Variants in SETD3 observed in about 807,000 individuals in gnomAD.
The protein encoded by SETD3 is SET domain containing 3, actin N3(tau)-histidine methyltransferase.
In SETD3, 19 loss-of-function variants were observed where a neutral mutation model predicts 63.0. The observed-to-expected ratio is 0.30, with a 90% confidence interval of 0.21 to 0.44. SETD3 has a LOEUF of 0.44. SETD3 is among the 20% of genes least tolerant of loss of function. The pLI is 1.00. For synonymous variants in SETD3, 286 were observed against 264.1 expected (o/e 1.08, Z -0.80); for missense variants, 587 against 728.5 (o/e 0.81, Z 2.24).
rs7154466 is a variant in SETD3, at chr14:99,446,496, C to G, written c.675+11783G>C. Among the ~76,000 whole-genome samples, 628 of 152,248 alleles carry G rather than the reference C, an allele frequency of 4.1e-3. 4 individuals are homozygous for G. The highest frequency in any genetic ancestry group is 6.8e-3 in the Non-Finnish European group (463 of 68,004). On this transcript the variant is annotated intron_variant, in intron 6 of 12. Transcript: ENST00000331768. ...TAACCTTCCTTGGTTAGGATGCCAG[C>G]CCCAAGTTATATCACTTGGGACTCC...
chr14:99,405,464 C>T (rs1158727723), intron 9 of SETD3, 93 bp from the exon 10 acceptor site: 2 of 1,297,720 alleles, frequency 1.5e-6, no homozygotes, highest in Non-Finnish European at 2.1e-6. Context: ...TGCTACTTTA[C>T]ATTTAGACAC....
the SETD3 span, among the ~76,000 whole-genome samples, chr14:99,486,097 T>C: frequency 6.6e-6 from 1 of 152,232 alleles, no homozygotes; most frequent in African/African-American, 2.4e-5. Context: ...TCAGTGTCTC[T>C]AATAAACAAC....
Position 99,418,276 on chromosome 14 carries a change from T to A in SETD3, c.676-4342A>T, listed in dbSNP as rs80218799. ...TTCTGATAAAAAAACCATAATGCCA[T>A]GCAATTAAATTTTTCTGACTAAAAT... On this transcript the variant is annotated intron_variant, in intron 6 of 12. Coordinates refer to ENST00000331768, the MANE Select transcript of SETD3 (RefSeq NM_032233.3). Among the ~76,000 whole-genome samples the A allele has an allele frequency of 1.9e-3, 284 of 152,290 alleles. 2 individuals are homozygous for A. Among genetic ancestry groups the A allele is most frequent in the African/African-American group, 6.4e-3 (268 of 41,566 alleles).
At chr14:99,463,009 A>G (rs1895158286) in intron 3 of SETD3, among the ~76,000 whole-genome samples, 1 of 152,212 alleles carries the variant, frequency 6.6e-6, no homozygotes, top group Admixed American at 6.5e-5. Context: ...GATGAGAATC[A>G]TTACAATGGC....
chr14:99,475,999 GC>G (rs1437353531), intron 1 of SETD3, among the ~76,000 whole-genome samples: 6 of 152,182 alleles, frequency 3.9e-5, no homozygotes, highest in African/African-American at 1.4e-4. Context: ...GATCATCCTT[GC>G]CATGTCCTGT....
At position 99,479,668 on chromosome 14, in the gene SETD3, A is replaced by G. The variant is rs541839427; in HGVS notation, c.-9+1060T>C. Reference sequence around the variant, plus strand: ...CAGTGTCCGGTTCTGAGTTCTGACAAACGCATTTATAGTGGCCTCATCAGC... The same window carrying G: ...CAGTGTCCGGTTCTGAGTTCTGACAGACGCATTTATAGTGGCCTCATCAGC... On this transcript the variant is annotated intron_variant, in intron 1 of 12. Coordinates refer to ENST00000331768, the MANE Select transcript of SETD3 (RefSeq NM_032233.3). Among the ~76,000 whole-genome samples, 7 of 152,344 alleles carry G rather than the reference A, an allele frequency of 4.6e-5. No homozygotes were observed. The East Asian group carries it at 1.2e-3, about 25-fold the overall frequency.
intron 11 of SETD3, among the ~76,000 whole-genome samples, chr14:99,403,455 A>ACTCT (rs55804663): frequency 0.12 from 15,784 of 135,094 alleles, 759 homozygotes; most frequent in South Asian, 0.18. Context: ...ACACACACAC[A>ACTCT]CTCTCTCTCT....
intron 9 of SETD3, 24 bp from the exon 10 acceptor site, chr14:99,405,395 A>G: frequency 1.2e-6 from 2 of 1,606,684 alleles, no homozygotes; most frequent in Non-Finnish European, 1.7e-6. Context: ...AAGAAAAAAG[A>G]AAAGGGCATT....
chr14:99,468,642 T>C (rs200864240), intron 1 of SETD3, among the ~76,000 whole-genome samples: 1 of 151,806 alleles, frequency 6.6e-6, no homozygotes, highest in South Asian at 2.1e-4. Flanking sequence ...TATCTCTGCC[T>C]CCCCGTTCAC....
At chr14:99,442,105 CT>C (rs1339482263) in intron 6 of SETD3, among the ~76,000 whole-genome samples, 3 of 152,216 alleles carry the variant, frequency 2.0e-5, no homozygotes, top group Non-Finnish European at 4.4e-5. Context: ...AGCACACTGA[CT>C]GAGCACACCG....
chr14:99,404,203 CTTT>C lies in SETD3; in HGVS notation c.1177+19_1177+21del, dbSNP rs1891554584. ...TTTAAAAAGAAAAAAGTCAACATCT[CTTT>C]TTTCCTGAAATGACTTACCTTCAGT... On this transcript the variant is annotated intron_variant, in intron 11 of 12. Coordinates refer to ENST00000331768, the MANE Select transcript of SETD3 (RefSeq NM_032233.3). 6.2e-7 allele frequency: 1 copy of C among 1,601,158 alleles called. No individual in the cohort carries two copies. The highest frequency in any genetic ancestry group is 1.3e-5 in the African/African-American group (1 of 74,478).
At chr14:99,474,949 TTACA>T (rs1419511019) in intron 1 of SETD3, among the ~76,000 whole-genome samples, 1 of 152,200 alleles carries the variant, frequency 6.6e-6, no homozygotes, top group Non-Finnish European at 1.5e-5. Flanking sequence ...TGACTTTTCA[TTACA>T]TAGTAGGTTT....
At chr14:99,440,144 T>A (rs1893718969) in intron 6 of SETD3, among the ~76,000 whole-genome samples, 1 of 152,112 alleles carries the variant, frequency 6.6e-6, no homozygotes, top group Non-Finnish European at 1.5e-5. Flanking sequence ...TTGACTTATT[T>A]TTAAAAGAAT....
Position 99,473,137 on chromosome 14 carries a change from A to T in SETD3, c.-8-7324T>A, listed in dbSNP as rs149363214. Among the ~76,000 whole-genome samples the T allele has an allele frequency of 9.7e-3, 1,473 of 152,320 alleles. 8 individuals carry two copies. Among genetic ancestry groups the T allele is most frequent in the Middle Eastern group, 0.027 (8 of 294 alleles). On this transcript the variant is annotated intron_variant, in intron 1 of 12. Coordinates refer to ENST00000331768, the MANE Select transcript of SETD3 (RefSeq NM_032233.3). The stretch of plus-strand genomic sequence containing the variant: ...AGACAGAGAAATGAATGACAAACTC[A>T]ATTATTATTTAAAGTGCTGACTAAT...
chr14:99,446,561 CT>C (rs1009861370), intron 6 of SETD3, among the ~76,000 whole-genome samples: 47 of 152,270 alleles, frequency 3.1e-4, no homozygotes, highest in African/African-American at 1.1e-3. Flanking sequence ...TTCCATGCCC[CT>C]ATGGGTGCCT....
chr14:99,448,415 G>A (rs995189151), intron 6 of SETD3, among the ~76,000 whole-genome samples: 16 of 152,128 alleles, frequency 1.1e-4, no homozygotes, highest in Non-Finnish European at 1.5e-5. Flanking sequence ...TTCCTACGAC[G>A]TGGAAAAGAG....
At chr14:99,474,956 G>C (rs899226469) in intron 1 of SETD3, among the ~76,000 whole-genome samples, 4 of 151,400 alleles carry the variant, frequency 2.6e-5, no homozygotes, top group African/African-American at 9.7e-5. Context: ...TCATTACATA[G>C]TAGGTTTTAG....
chr14:99,444,946 G>GT lies in SETD3; in HGVS notation c.675+13332dup, dbSNP rs533904022. ...AAAACGTAAAAATAAGAGAAGTAAA[G>GT]TTTTTTTAAAAAGGCCATGATGGTA... is the stretch of plus-strand genomic sequence containing the variant. On this transcript the variant is annotated intron_variant, in intron 6 of 12. Coordinates refer to ENST00000331768, the MANE Select transcript of SETD3 (RefSeq NM_032233.3). Among the ~76,000 whole-genome samples the GT allele has an allele frequency of 8.5e-5, 13 of 152,114 alleles. No homozygotes were observed. In the East Asian group the frequency reaches 2.5e-3, roughly 29 times the overall value.
chr14:99,410,115 C>A, intron 8 of SETD3: 3 of 1,319,178 alleles, frequency 2.3e-6, no homozygotes, highest in African/African-American at 2.9e-5. Flanking sequence ...GTGCTCAGGG[C>A]AGCCACGCTG....
Sources: gnomAD v4.1 joint callset for allele counts (sites outside exome capture counted in the v4.1 genomes callset) on GRCh38, gnomAD v4.1.1 for gene constraint, MANE v1.5 for transcripts, NCBI Gene and HGNC (gene_info 2026-07-23, HGNC 2026-07-21) for gene names.